The following KDM4B variants were observed in gnomAD, a reference collection of about 807,000 sequenced individuals.
The protein encoded by KDM4B is lysine-specific demethylase 4B.
In KDM4B, 32 loss-of-function variants were observed where a neutral mutation model predicts 125.2. The ratio of observed to expected loss-of-function variants is 0.26; its 90% confidence interval spans 0.19 to 0.34. The LOEUF is 0.34. KDM4B is among the 10% of genes least tolerant of loss of function. The probability of loss-of-function intolerance (pLI) is 1.00; values close to 1 mark genes in which losing one functional copy is unlikely to be tolerated. For synonymous variants in KDM4B, 721 were observed against 677.9 expected (o/e 1.06, Z -0.99); for missense variants, 1,190 against 1,577.7 (o/e 0.75, Z 4.16).
intron 2 of KDM4B, among the ~76,000 whole-genome samples, chr19:5,024,649 A>G (rs1222936973): frequency 7.9e-6 from 1 of 126,202 alleles, no homozygotes; most frequent in African/African-American, 4.2e-5. Flanking sequence ...CAGCTGCCCT[A>G]AAAAAAAAAA....
chr19:5,133,721 G>A (rs1453461307), intron 13 of KDM4B, among the ~76,000 whole-genome samples, 162 bp from the exon 14 acceptor site: 3 of 152,208 alleles, frequency 2.0e-5, no homozygotes, highest in Non-Finnish European at 4.4e-5. Flanking sequence ...TGTGGAGAAT[G>A]GGGCAGCCAG....
At chr19:5,064,866 A>G (rs753437814) in intron 6 of KDM4B, among the ~76,000 whole-genome samples, 46 of 152,252 alleles carry the variant, frequency 3.0e-4, no homozygotes, top group Non-Finnish European at 5.1e-4. Flanking sequence ...CACCAGCATC[A>G]CACCCCTCAT....
At chr19:5,102,333 G>A (rs2038953144) in intron 9 of KDM4B, among the ~76,000 whole-genome samples, 1 of 152,214 alleles carries the variant, frequency 6.6e-6, no homozygotes, top group African/African-American at 2.4e-5. Context: ...CAGGAGCCAT[G>A]AGCGTGGCCT....
Position 5,142,403 on chromosome 19 carries a change from G to A in KDM4B, c.2551-1564G>A, listed in dbSNP as rs934079161. On this transcript the variant is annotated intron_variant, in intron 18 of 22. Coordinates refer to ENST00000159111, the MANE Select transcript of KDM4B (RefSeq NM_015015.3). The surrounding 1 kb of genome is among the most constrained non-coding windows in gnomAD (Gnocchi z 5.4). Reference sequence around the variant, plus strand: ...CTCGCCTTAGTAGGGGTGGCTCTGGGCAACCTCGGCCCCAGGCACAGCTCC... The same window carrying A: ...CTCGCCTTAGTAGGGGTGGCTCTGGACAACCTCGGCCCCAGGCACAGCTCC... 6.6e-6 allele frequency among the ~76,000 whole-genome samples: 1 copy of A among 152,208 alleles called. No individual in the cohort carries two copies. The highest frequency in any genetic ancestry group is 1.5e-5 in the Non-Finnish European group (1 of 68,014).
At chr19:5,064,840 G>A (rs1007348323) in intron 6 of KDM4B, among the ~76,000 whole-genome samples, 3 of 152,190 alleles carry the variant, frequency 2.0e-5, no homozygotes, top group Admixed American at 2.0e-4. Context: ...GGTGTGGTGG[G>A]GACATGTGTG....
Position 5,114,093 on chromosome 19 carries a change from C to A in KDM4B, c.1115+3275C>A, listed in dbSNP as rs905321296. On this transcript the variant is annotated intron_variant, in intron 10 of 22. Transcript: ENST00000159111. The surrounding 1 kb of genome is among the most constrained non-coding windows in gnomAD (Gnocchi z 5.8). ...GCGGGTGCCCTCAGCCTCCCCACTC[C>A]CGGTGGCGCTGTGCGTTCTGGTGCC... 1 of 1,289,324 alleles carries A rather than the reference C, an allele frequency of 7.8e-7. No homozygotes were observed. Among genetic ancestry groups the A allele is most frequent in the Admixed American group, 2.3e-5 (1 of 43,500 alleles). 79.9% of individuals were successfully genotyped at this position (1,289,324 alleles called of 1,614,324 possible). A position where few individuals can be genotyped will look rare whatever the true frequency, so the allele number is the denominator to read the frequency against.
intron 6 of KDM4B, among the ~76,000 whole-genome samples, chr19:5,068,269 T>C (rs1408469968): frequency 6.6e-6 from 1 of 152,132 alleles, no homozygotes; most frequent in East Asian, 1.9e-4. Context: ...TCTCTTGTCC[T>C]GTGGTGACTG....
intron 1 of KDM4B, among the ~76,000 whole-genome samples, chr19:4,992,825 C>G (rs1005823143): frequency 2.0e-5 from 3 of 152,170 alleles, no homozygotes; most frequent in South Asian, 2.1e-4. Flanking sequence ...TCTTCCTGTT[C>G]AACCCTGTGA....
chr19:4,991,525 C>T (rs2035031879), intron 1 of KDM4B, among the ~76,000 whole-genome samples: 1 of 152,204 alleles, frequency 6.6e-6, no homozygotes, highest in Admixed American at 6.5e-5. Context: ...CTAGGCTTCA[C>T]CCTGCTGTCT....
Position 5,151,581 on chromosome 19 carries a change from T to A in KDM4B, c.*70T>A. On this transcript the variant is annotated 3_prime_UTR_variant, in exon 23 of 23. Coordinates refer to ENST00000159111, the MANE Select transcript of KDM4B (RefSeq NM_015015.3). ...TGGCATGCCCCGGGCGTTCGCTTGC[T>A]GTGAATTCCTGTCCTCGTGTCCCCG... 8.1e-7 allele frequency: 1 copy of A among 1,231,410 alleles called. No individual in the cohort carries two copies. The highest frequency in any genetic ancestry group is 1.0e-6 in the Non-Finnish European group (1 of 968,472). The allele number at this position is 1,231,410 out of a possible 1,614,324, so 76.3% of individuals were successfully genotyped here. A position where few individuals can be genotyped will look rare whatever the true frequency, so the allele number is the denominator to read the frequency against.
In KDM4B at chr19:5,079,926, C is replaced by T. The variant is rs531561676; in HGVS notation, c.781-2441C>T. ...TTAATTTTATTTGCCCCTCATTTCA[C>T]GGAGCTCCCAGCGTAGTGGGGAGAA... On this transcript the variant is annotated intron_variant, in intron 8 of 22. Transcript: ENST00000159111. Among the ~76,000 whole-genome samples, 8 of 152,230 alleles carry T rather than the reference C, an allele frequency of 5.3e-5. No individual in the cohort carries two copies. The East Asian group carries it at 7.8e-4, about 15-fold the overall frequency.
At chr19:5,132,619 A>G (rs2039578450) in intron 13 of KDM4B, among the ~76,000 whole-genome samples, 1 of 152,082 alleles carries the variant, frequency 6.6e-6, no homozygotes, top group Non-Finnish European at 1.5e-5. Context: ...GCACGGGGAC[A>G]GAGGAATGAC....
chr19:5,013,815 A>G (rs946655758), intron 1 of KDM4B, among the ~76,000 whole-genome samples: 2 of 152,240 alleles, frequency 1.3e-5, no homozygotes, highest in Admixed American at 6.5e-5. Context: ...GGATGGGGAC[A>G]TCTTTGGGAA....
At chr19:5,127,180 C>G (rs2039464069) in intron 11 of KDM4B, among the ~76,000 whole-genome samples, 1 of 152,196 alleles carries the variant, frequency 6.6e-6, no homozygotes, top group South Asian at 2.1e-4. Context: ...CCCATCTGTA[C>G]CATGGTCCCT....
At chr19:5,144,956 G>C in intron 21 of KDM4B, 54 bp downstream of exon 21, 1 of 1,608,694 alleles carries the variant, frequency 6.2e-7, no homozygotes. Context: ...CTTCTTGTAG[G>C]TGCGGGGACA....
chr19:5,077,102 T>A (rs2038141007), intron 7 of KDM4B: 1 of 507,544 alleles, frequency 2.0e-6, no homozygotes, highest in East Asian at 3.4e-5. Flanking sequence ...ACATGGTCAC[T>A]GCGCAGAGGC....
intron 8 of KDM4B, among the ~76,000 whole-genome samples, chr19:5,080,529 C>T (rs992240506): frequency 3.9e-5 from 6 of 152,230 alleles, no homozygotes; most frequent in Admixed American, 2.6e-4. Flanking sequence ...AGCCCCAGGA[C>T]GGCCACGTCA....
chr19:5,034,905 C>T (rs1272693180), intron 3 of KDM4B, among the ~76,000 whole-genome samples: 1 of 152,198 alleles, frequency 6.6e-6, no homozygotes, highest in Non-Finnish European at 1.5e-5. Flanking sequence ...CGGCTCACTG[C>T]AGCCTTGACC....
At chr19:5,088,823 CTG>C (rs1011181146) in intron 9 of KDM4B, among the ~76,000 whole-genome samples, 2 of 152,180 alleles carry the variant, frequency 1.3e-5, no homozygotes, top group African/African-American at 4.8e-5. Flanking sequence ...TTGTTGGAAA[CTG>C]GGGAATACGG....
Sources: allele counts gnomAD v4.1 joint callset (sites outside exome capture counted in the v4.1 genomes callset), GRCh38; gene constraint gnomAD v4.1.1; non-coding constraint Gnocchi (gnomAD v3.1); transcripts MANE v1.5; gene names NCBI Gene and HGNC (gene_info 2026-07-23, HGNC 2026-07-21).